The following USP3 variants were observed in gnomAD, a reference collection of about 807,000 sequenced individuals.
USP3 encodes ubiquitin specific peptidase 3.
A neutral mutation model predicts 72.3 loss-of-function variants in USP3; 20 were observed. That is an observed-to-expected ratio of 0.28 (90% CI 0.19 to 0.40). The LOEUF is 0.40. USP3 is among the 10% of genes least tolerant of loss of function. The pLI is 1.00. For synonymous variants in USP3, 222 were observed against 225.3 expected (o/e 0.99, Z 0.13); for missense variants, 479 against 633.9 (o/e 0.76, Z 2.62).
rs1042560212 is a variant in USP3, at chr15:63,560,599, G to A, written c.647+629G>A. Among the ~76,000 whole-genome samples, 13 of 151,922 alleles carry A rather than the reference G, an allele frequency of 8.6e-5. 1 individual carries two copies. Among genetic ancestry groups the A allele is most frequent in the African/African-American group, 2.9e-4 (12 of 41,336 alleles). ...TCCATGTGAGTTGATTTGTCCGACA[G>A]TGTTAGGTAAACCTGTCTTGGATAC... On this transcript the variant is annotated intron_variant, in intron 7 of 14. Transcript: ENST00000380324.
intron 1 of USP3, among the ~76,000 whole-genome samples, chr15:63,520,664 A>G (rs1301464573): frequency 3.4e-5 from 5 of 147,946 alleles, no homozygotes; most frequent in East Asian, 2.0e-4. Flanking sequence ...CCCAGGTTCA[A>G]TCGATTCTCC....
At chr15:63,504,953 C>T (rs1266473237) in intron 1 of USP3, 123 bp downstream of exon 1, 28 of 690,044 alleles carry the variant, frequency 4.1e-5, no homozygotes, top group South Asian at 6.6e-5. Flanking sequence ...GAGCCGGGCC[C>T]GGCGGGCTGG....
intron 2 of USP3, chr15:63,533,717 A>AT: frequency 2.2e-6 from 1 of 455,642 alleles, no homozygotes; most frequent in Admixed American, 4.1e-5. Flanking sequence ...GGAATTGAGT[A>AT]TTTTTTCCAT....
chr15:63,580,595 C>T (rs2066936250), intron 11 of USP3, among the ~76,000 whole-genome samples: 1 of 142,468 alleles, frequency 7.0e-6, no homozygotes, highest in Admixed American at 7.0e-5. Flanking sequence ...TTGTGAAATA[C>T]ATGCCCTGAA....
At chr15:63,537,910 C>T (rs564197579) in intron 3 of USP3, among the ~76,000 whole-genome samples, 2 of 152,070 alleles carry the variant, frequency 1.3e-5, no homozygotes, top group East Asian at 3.9e-4. Flanking sequence ...GTCTCGTACT[C>T]CTGACCTCAG....
chr15:63,589,145 T>C (rs2067134971), intron 14 of USP3, 134 bp downstream of exon 14: 5 of 1,024,758 alleles, frequency 4.9e-6, no homozygotes, highest in South Asian at 1.4e-5. Flanking sequence ...TCCTTCAGTT[T>C]TGGTGCGGAA....
intron 7 of USP3, among the ~76,000 whole-genome samples, chr15:63,561,596 CCTT>C (rs758615699): frequency 1.3e-5 from 2 of 152,230 alleles, no homozygotes; most frequent in African/African-American, 2.4e-5. Flanking sequence ...TGGTGCCATC[CCTT>C]CTTCTTTGTG....
intron 8 of USP3, among the ~76,000 whole-genome samples, chr15:63,566,241 C>G (rs1350514707): frequency 3.3e-5 from 5 of 150,932 alleles, no homozygotes; most frequent in African/African-American, 7.4e-5. Flanking sequence ...GCTTGCTCTT[C>G]TCAGGTTTAT....
chr15:63,509,668 C>T (rs527883273), intron 1 of USP3, among the ~76,000 whole-genome samples: 2 of 152,182 alleles, frequency 1.3e-5, no homozygotes, highest in South Asian at 2.1e-4. Flanking sequence ...ATTTATAAAG[C>T]TTAAGTCAAA....
intron 5 of USP3, among the ~76,000 whole-genome samples, chr15:63,557,646 T>G (rs541631592): frequency 6.6e-6 from 1 of 152,362 alleles, no homozygotes; most frequent in African/African-American, 2.4e-5. Flanking sequence ...TTTTCAAGAT[T>G]CATATCCCAT....
In USP3 at chr15:63,544,625, A is replaced by G; in HGVS notation, c.284+7469A>G. On this transcript the variant is annotated intron_variant, in intron 3 of 14. Coordinates refer to ENST00000380324, the MANE Select transcript of USP3 (RefSeq NM_006537.4). This position sits in a 1 kb window ranked among gnomAD's most constrained non-coding sequence, Gnocchi z 4.2. The stretch of plus-strand genomic sequence containing the variant: ...CGATTGAGCCATGCTGTGTGTTTTC[A>G]TTTTTGGAGAATGGGGGAAGAATGT... 1 of 693,818 alleles carries G rather than the reference A, an allele frequency of 1.4e-6. No individual in the cohort carries two copies. Among genetic ancestry groups the G allele is most frequent in the Non-Finnish European group, 2.6e-6 (1 of 380,840 alleles). The allele number at this position is 693,818 out of a possible 1,614,324, so 43.0% of individuals were successfully genotyped here. A position where few individuals can be genotyped will look rare whatever the true frequency, so the allele number is the denominator to read the frequency against.
At chr15:63,573,678 A>G (rs1263904116) in intron 9 of USP3, among the ~76,000 whole-genome samples, 1 of 152,230 alleles carries the variant, frequency 6.6e-6, no homozygotes, top group Non-Finnish European at 1.5e-5. Flanking sequence ...AAAGATTCCA[A>G]TACAAGGCAG....
intron 3 of USP3, chr15:63,551,394 T>A (rs2066434251): frequency 6.6e-6 from 1 of 151,642 alleles, no homozygotes; most frequent in South Asian, 2.1e-4. Flanking sequence ...GCTAAAAAAA[T>A]TTAATTATAA....
At chr15:63,562,796 G>A in intron 7 of USP3, 99 bp from the exon 8 acceptor site, 1 of 671,452 alleles carries the variant, frequency 1.5e-6, no homozygotes, top group Non-Finnish European at 2.5e-6. Context: ...CTTTTTAAGT[G>A]TTCATTTCCT....
intron 1 of USP3, among the ~76,000 whole-genome samples, chr15:63,506,428 G>C (rs2065714227): frequency 6.6e-6 from 1 of 152,002 alleles, no homozygotes; most frequent in African/African-American, 2.4e-5. Flanking sequence ...GGAATGGTGG[G>C]ATTGCTCTTG....
chr15:63,536,526 A>C (rs1196973544), intron 2 of USP3, among the ~76,000 whole-genome samples: 1 of 152,128 alleles, frequency 6.6e-6, no homozygotes, highest in Non-Finnish European at 1.5e-5. Flanking sequence ...ACTGAAACCA[A>C]TTTGCATAGA....
At chr15:63,581,343 TTTTGTGTGTGTGTGTGTGTGTGTGTGTG>T (rs1435704545) in intron 11 of USP3, among the ~76,000 whole-genome samples, 1 of 132,380 alleles carries the variant, frequency 7.6e-6, no homozygotes, top group Non-Finnish European at 1.6e-5. Flanking sequence ...TTGTGTTGGT[TTTTGTGTGTGTGTGTGTGTGTGTGTGTG>T]TGTGTGTGTG....
chr15:63,514,682 C>T (rs910738583), intron 1 of USP3, among the ~76,000 whole-genome samples: 5 of 152,138 alleles, frequency 3.3e-5, no homozygotes, highest in Admixed American at 6.5e-5. Context: ...GTTAAGAGGT[C>T]CCTAAACCTC....
intron 3 of USP3, among the ~76,000 whole-genome samples, chr15:63,547,408 C>G (rs1204547806): frequency 6.6e-6 from 1 of 151,818 alleles, no homozygotes; most frequent in African/African-American, 2.4e-5. Context: ...AATTTTTAAA[C>G]CAGTGAAAAA....
Sources: gnomAD v4.1 joint callset for allele counts (sites outside exome capture counted in the v4.1 genomes callset) on GRCh38, gnomAD v4.1.1 for gene constraint, Gnocchi (gnomAD v3.1) non-coding constraint, MANE v1.5 for transcripts, NCBI Gene and HGNC (gene_info 2026-07-23, HGNC 2026-07-21) for gene names.